The following ADPGK variants were observed in gnomAD, a reference collection of about 807,000 sequenced individuals.
ADPGK encodes the protein ADP dependent glucokinase, also known as ADP-dependent glucokinase.
ADPGK carries 26 observed loss-of-function variants against 42.4 expected under a neutral mutation model. The observed-to-expected ratio is 0.61, with a 90% CI of 0.45 to 0.85. ADPGK has a LOEUF of 0.85. ADPGK is among the 40% of genes least tolerant of loss of function. The pLI, the probability that ADPGK is intolerant of heterozygous loss-of-function variation, is 0.00. For missense variants in ADPGK, 571 were observed against 627.0 expected (o/e 0.91, Z 0.95); for synonymous variants, 267 against 252.6 (o/e 1.06, Z -0.54).
At chr15:72,779,814 C>T (rs2066434778) in intron 1 of ADPGK, among the ~76,000 whole-genome samples, 1 of 152,178 alleles carries the variant, frequency 6.6e-6, no homozygotes, top group Non-Finnish European at 1.5e-5. Flanking sequence ...AATCCTGTTT[C>T]TCAATATATT....
rs775111586 is a variant in ADPGK at position 72,756,301 on chromosome 15, G to A, written c.790C>T (p.His264Tyr). Residue 264 changes from histidine (H) to tyrosine (Y), a missense_variant, in exon 5 of 7, where the codon CAC becomes TAC. By Grantham distance (83) the His-to-Tyr change is moderately conservative (BLOSUM62 2). Coordinates refer to ENST00000456471, the MANE Select transcript of ADPGK (RefSeq NM_001365225.1). ...TCCTTGCTTTGTCCCTCCATCATGTGCAATCCAGAGAGGACCACCAGGTCT... is the reference window on the plus strand; with the variant it reads ...TCCTTGCTTTGTCCCTCCATCATGTACAATCCAGAGAGGACCACCAGGTCT... ...QPDLVVLSGL[H>Y]MMEGQSKELQ... 1.9e-6 allele frequency: 3 copies of A among 1,614,102 alleles called. No homozygotes were observed. The highest frequency in any genetic ancestry group is 2.5e-6 in the Non-Finnish European group (3 of 1,180,040).
chr15:72,782,373 A>G (rs1385126550), intron 1 of ADPGK, among the ~76,000 whole-genome samples: 1 of 151,874 alleles, frequency 6.6e-6, no homozygotes, highest in Non-Finnish European at 1.5e-5. Flanking sequence ...AATAAATAAA[A>G]AATTGGCTGG....
At chr15:72,766,647 CGTTTT>C (rs1566955305) in intron 3 of ADPGK, among the ~76,000 whole-genome samples, 1 of 152,054 alleles carries the variant, frequency 6.6e-6, no homozygotes, top group African/African-American at 2.4e-5. Flanking sequence ...AAAATTCATG[CGTTTT>C]ATTTTATTGC....
intron 4 of ADPGK, chr15:72,758,421 G>A (rs909263863): frequency 2.1e-6 from 1 of 465,122 alleles, no homozygotes; most frequent in Admixed American, 3.5e-5. Context: ...TCTGGTAAGA[G>A]AGAATGTGGA....
chr15:72,764,591 C>T (rs929470903), intron 3 of ADPGK, among the ~76,000 whole-genome samples: 3 of 152,238 alleles, frequency 2.0e-5, no homozygotes, highest in Non-Finnish European at 2.9e-5. Context: ...GTAGAAGCTG[C>T]AGCAAGTTAT....
chr15:72,764,594 C>G (rs1034100038), intron 3 of ADPGK, among the ~76,000 whole-genome samples: 1 of 152,196 alleles, frequency 6.6e-6, no homozygotes, highest in African/African-American at 2.4e-5. Context: ...GAAGCTGCAG[C>G]AAGTTATCCA....
In ADPGK at chr15:72,756,369, T is replaced by C. The variant is rs765575225; in HGVS notation, c.722A>G (p.Asn241Ser). ...FSHDLSNGAM[N>S]MLEVFVSSLE... ...GCTAGACACAAACACCTCCAGCATA[T>C]TCATGGCCCCGTTGGAGAGGTCGTG... Residue 241 changes from asparagine (N) to serine (S), a missense_variant, in exon 5 of 7, where the codon AAT (asparagine) becomes AGT (serine). Transcript: ENST00000456471. 16 of 1,614,076 alleles carry C rather than the reference T, an allele frequency of 9.9e-6. No individual in the cohort carries two copies. Among genetic ancestry groups the C allele is most frequent in the Non-Finnish European group, 6.8e-6 (8 of 1,180,052 alleles).
intron 2 of ADPGK, among the ~76,000 whole-genome samples, chr15:72,773,666 G>A (rs185709896): frequency 3.3e-5 from 5 of 152,236 alleles, no homozygotes; most frequent in African/African-American, 4.8e-5. Context: ...TTTAAATTCC[G>A]TAATCATAAA....
intron 4 of ADPGK, 193 bp downstream of exon 4, chr15:72,760,214 T>C: frequency 1.9e-6 from 1 of 524,992 alleles, no homozygotes; most frequent in South Asian, 4.8e-5. Flanking sequence ...TCTTCCATGT[T>C]ATAATACTCA....
intron 3 of ADPGK, among the ~76,000 whole-genome samples, chr15:72,761,997 A>C (rs1159030863): frequency 6.6e-6 from 1 of 151,942 alleles, no homozygotes; most frequent in Non-Finnish European, 1.5e-5. Context: ...TCAGCCTCCC[A>C]AGTAGCTGGG....
intron 2 of ADPGK, among the ~76,000 whole-genome samples, chr15:72,774,003 A>G (rs1411608836): frequency 1.3e-5 from 2 of 152,100 alleles, no homozygotes; most frequent in African/African-American, 2.4e-5. Context: ...CACCATGCCC[A>G]GCTAATTTTT....
chr15:72,757,942 A>T, intron 4 of ADPGK: 1 of 822,062 alleles, frequency 1.2e-6, no homozygotes, highest in Non-Finnish European at 1.9e-6. Flanking sequence ...GGCAAGGATG[A>T]GAAGAACCGT....
rs2066376241 is a variant in ADPGK, at chr15:72,775,152, T to G, written c.234-55A>C. ...CAGCAGAAGCACCAAGTAGCCATTTTGCATTTAACAAAAGGAAAATGTTTC... is the reference window on the plus strand; with the variant it reads ...CAGCAGAAGCACCAAGTAGCCATTTGGCATTTAACAAAAGGAAAATGTTTC... On this transcript the variant is annotated intron_variant, in intron 1 of 6. Coordinates refer to ENST00000456471, the MANE Select transcript of ADPGK (RefSeq NM_001365225.1). 2 of 1,468,664 alleles carry G rather than the reference T, an allele frequency of 1.4e-6. 1 individual carries two copies. Among genetic ancestry groups the G allele is most frequent in the East Asian group, 4.6e-5 (2 of 43,694 alleles). 91.0% of individuals were successfully genotyped at this position (1,468,664 alleles called of 1,614,324 possible).
At chr15:72,783,166 A>C (rs2066488626) in intron 1 of ADPGK, 1 of 1,164,092 alleles carries the variant, frequency 8.6e-7, no homozygotes, top group African/African-American at 1.6e-5. Flanking sequence ...AAGGGGCTAA[A>C]AGTTGGAACG....
At chr15:72,758,193 CGTTGGA>C in intron 4 of ADPGK, 2 of 1,471,892 alleles carry the variant, frequency 1.4e-6, no homozygotes, top group Non-Finnish European at 1.9e-6. Flanking sequence ...TTCATGGCCC[CGTTGGA>C]GAGGCCATGC....
chr15:72,767,224 C>G (rs1043905709), intron 3 of ADPGK, among the ~76,000 whole-genome samples: 1 of 151,974 alleles, frequency 6.6e-6, no homozygotes, highest in African/African-American at 2.4e-5. Context: ...GGAATTAATT[C>G]ATTAAAGGGA....
rs781583986 is a variant in ADPGK at position 72,775,018 on chromosome 15, C to G, written c.313G>C (p.Asp105His). The change falls in exon 2 of 7, where the codon GAT becomes CAT. Residue 105 changes from aspartate (D) to histidine (H), a missense_variant. Asp to His is a moderately conservative substitution (Grantham distance 81). Around this residue, in one of 2 missense-constraint regions of ADPGK, gnomAD observed 434 missense variants for 522.7 expected, o/e 0.83. Transcript: ENST00000456471. ...ALGLSPGNGK[D>H]HSILHSRNDL... Reference sequence around the variant, plus strand: ...TTCCTTGAATGCAGAATGCTGTGATCTTTCCCATTCCCAGGACTAAGGCCA... The same window carrying G: ...TTCCTTGAATGCAGAATGCTGTGATGTTTCCCATTCCCAGGACTAAGGCCA... 1.2e-6 allele frequency: 2 copies of G among 1,614,066 alleles called. No individual in the cohort carries two copies.
intron 4 of ADPGK, chr15:72,758,247 T>A (rs1182432619): frequency 1.1e-5 from 10 of 922,082 alleles, no homozygotes; most frequent in Non-Finnish European, 1.6e-5. Flanking sequence ...CTGCCTGTAA[T>A]GGTAGTTAGC....
intron 4 of ADPGK, 33 bp downstream of exon 4, chr15:72,760,374 G>T (rs1328634297): frequency 6.4e-7 from 1 of 1,569,384 alleles, no homozygotes; most frequent in African/African-American, 1.3e-5. Flanking sequence ...CCCCTTGACT[G>T]GTCTTGCCAC....
Sources: gnomAD v4.1 joint callset for allele counts (sites outside exome capture counted in the v4.1 genomes callset) on GRCh38, gnomAD v4.1.1 for gene constraint, gnomAD v4.1.1 regional missense constraint, MANE v1.5 for transcripts, NCBI Gene and HGNC (gene_info 2026-07-23, HGNC 2026-07-21) for gene names.